The following IMMP2L variants were observed in gnomAD, a reference collection of about 807,000 sequenced individuals.
The protein encoded by IMMP2L is mitochondrial inner membrane protease subunit 2.
A neutral mutation model predicts 19.3 loss-of-function variants in IMMP2L; 18 were observed. The observed-to-expected ratio is 0.93, with a 90% CI of 0.64 to 1.38. The LOEUF (loss-of-function observed/expected upper bound fraction) is 1.38, where lower values mean the gene tolerates loss of function less well. Ranked by LOEUF, IMMP2L falls within the 40% of genes most tolerant of loss-of-function variation. The pLI, the probability that IMMP2L is intolerant of heterozygous loss-of-function variation, is 0.00. For missense variants in IMMP2L, 233 were observed against 218.2 expected, an observed-to-expected ratio of 1.07 and a Z score of -0.43; for synonymous variants, 76 against 73.0, an observed-to-expected ratio of 1.04 and a Z score of -0.21.
chr7:111,253,298 C>T (rs1217996189), intron 3 of IMMP2L, among the ~76,000 whole-genome samples: 1 of 152,072 alleles, frequency 6.6e-6, no homozygotes. Context: ...TGAATACTCA[C>T]AGGTGCAGTG....
intron 3 of IMMP2L, among the ~76,000 whole-genome samples, chr7:111,421,196 T>C (rs192333732): frequency 2.6e-5 from 4 of 151,734 alleles, no homozygotes; most frequent in Non-Finnish European, 4.4e-5. Flanking sequence ...GTTGGCTGCA[T>C]AGATGTCTTC....
At chr7:111,025,444 T>C (rs781123324) in intron 3 of IMMP2L, among the ~76,000 whole-genome samples, 15 of 152,186 alleles carry the variant, frequency 9.9e-5, no homozygotes, top group Non-Finnish European at 2.1e-4. Context: ...CCTGAAAGCA[T>C]AAAGATTACA....
At chr7:111,124,423 A>G in intron 3 of IMMP2L, 6 of 1,613,762 alleles carry the variant, frequency 3.7e-6, no homozygotes, top group Non-Finnish European at 5.1e-6. Context: ...TCTCAAATCT[A>G]GTGTTAAATG....
chr7:111,294,419 C>A (rs925598649), intron 3 of IMMP2L, among the ~76,000 whole-genome samples: 3 of 151,770 alleles, frequency 2.0e-5, no homozygotes, highest in Non-Finnish European at 3.0e-5. Flanking sequence ...GAAAAATGAT[C>A]GTTCAATGGA....
At chr7:111,482,942 G>A (rs559882110) in intron 3 of IMMP2L, among the ~76,000 whole-genome samples, 1 of 152,236 alleles carries the variant, frequency 6.6e-6, no homozygotes, top group Non-Finnish European at 1.5e-5. Flanking sequence ...TATACTGAAG[G>A]TGACTAAAGA....
At chr7:111,422,025 G>C (rs1375560983) in intron 3 of IMMP2L, among the ~76,000 whole-genome samples, 1 of 151,834 alleles carries the variant, frequency 6.6e-6, no homozygotes, top group Non-Finnish European at 1.5e-5. Context: ...TCAAAGAACA[G>C]ATGGCTGTAG....
At chr7:111,355,704 A>G (rs909871157) in intron 3 of IMMP2L, among the ~76,000 whole-genome samples, 1 of 151,958 alleles carries the variant, frequency 6.6e-6, no homozygotes, top group Non-Finnish European at 1.5e-5. Context: ...CTCTATATCA[A>G]ATGTAATTTA....
chr7:110,664,169 CAG>C (rs1386223860), intron 5 of IMMP2L, among the ~76,000 whole-genome samples: 3 of 152,068 alleles, frequency 2.0e-5, no homozygotes, highest in Non-Finnish European at 2.9e-5. Flanking sequence ...CGTATATTCT[CAG>C]AGTTTCCCGC....
At chr7:111,252,242 T>C (rs1460866715) in intron 3 of IMMP2L, among the ~76,000 whole-genome samples, 2 of 152,116 alleles carry the variant, frequency 1.3e-5, no homozygotes, top group East Asian at 3.8e-4. Context: ...GTATGAAATG[T>C]AGGCATCATC....
At chr7:111,464,451 C>G (rs1014300802) in intron 3 of IMMP2L, among the ~76,000 whole-genome samples, 1 of 152,176 alleles carries the variant, frequency 6.6e-6, no homozygotes, top group Non-Finnish European at 1.5e-5. Flanking sequence ...CCACTGCACT[C>G]TGCCTGGGCA....
rs140070228 is a variant in IMMP2L at position 111,124,052 on chromosome 7, G to A, written c.240-160487C>T. 9.8e-4 allele frequency: 1,585 copies of A among 1,614,074 alleles called. 2 individuals carry two copies. The highest frequency in any genetic ancestry group is 1.1e-3 in the Admixed American group (67 of 59,988). On this transcript the variant is annotated intron_variant, in intron 3 of 5. Transcript: ENST00000405709. Reference sequence around the variant, plus strand: ...TGTCTCCCTCTTATAGCTCCTGAGAGCTTTCCTTCTAATCTAAATGTAGAA... The same window carrying A: ...TGTCTCCCTCTTATAGCTCCTGAGAACTTTCCTTCTAATCTAAATGTAGAA...
intron 3 of IMMP2L, among the ~76,000 whole-genome samples, chr7:111,380,825 T>C (rs958112001): frequency 6.6e-6 from 1 of 152,028 alleles, no homozygotes; most frequent in Non-Finnish European, 1.5e-5. Flanking sequence ...TAAAAAGAAA[T>C]ACCAGGCATA....
intron 3 of IMMP2L, among the ~76,000 whole-genome samples, chr7:111,350,673 T>G (rs1828059472): frequency 6.6e-6 from 1 of 152,144 alleles, no homozygotes; most frequent in Non-Finnish European, 1.5e-5. Context: ...ATATCAACTT[T>G]TCACTTCCTT....
At chr7:110,968,704 C>A (rs780779513) in intron 3 of IMMP2L, among the ~76,000 whole-genome samples, 2 of 152,038 alleles carry the variant, frequency 1.3e-5, no homozygotes, top group African/African-American at 2.4e-5. Flanking sequence ...GAGAAGCAGA[C>A]GATTTGCCAC....
chr7:111,104,434 C>T (rs781063096), intron 3 of IMMP2L, among the ~76,000 whole-genome samples: 1 of 151,730 alleles, frequency 6.6e-6, no homozygotes, highest in Non-Finnish European at 1.5e-5. Context: ...GTTGATAATG[C>T]TCCATGTTTA....
intron 5 of IMMP2L, among the ~76,000 whole-genome samples, chr7:110,855,621 A>C (rs1413952544): frequency 6.6e-6 from 1 of 152,046 alleles, no homozygotes; most frequent in Non-Finnish European, 1.5e-5. Context: ...AGAATGTTTA[A>C]TATCCCTTAT....
chr7:111,010,823 T>C (rs1013866660), intron 3 of IMMP2L, among the ~76,000 whole-genome samples: 1 of 152,046 alleles, frequency 6.6e-6, no homozygotes, highest in Admixed American at 6.6e-5. Flanking sequence ...GGTCATGTTT[T>C]GGCCGGAGAA....
intron 5 of IMMP2L, among the ~76,000 whole-genome samples, chr7:110,678,212 T>C (rs1404651336): frequency 6.6e-6 from 1 of 152,146 alleles, no homozygotes; most frequent in African/African-American, 2.4e-5. Context: ...AAAATTGTAG[T>C]CTATTTATCC....
intron 2 of IMMP2L, among the ~76,000 whole-genome samples, chr7:111,505,685 CTG>C (rs1484779732): frequency 6.6e-6 from 1 of 152,012 alleles, no homozygotes; most frequent in Non-Finnish European, 1.5e-5. Flanking sequence ...ATGGATGAAA[CTG>C]GAAACCATCA....
Sources: allele counts gnomAD v4.1 joint callset (sites outside exome capture counted in the v4.1 genomes callset), GRCh38; gene constraint gnomAD v4.1.1; transcripts MANE v1.5; gene names NCBI Gene and HGNC (gene_info 2026-07-23, HGNC 2026-07-21).